The following CRACD variants were observed in gnomAD, a reference collection of about 807,000 sequenced individuals.
CRACD encodes the protein capping protein inhibiting regulator of actin dynamics, also known as capping protein-inhibiting regulator of actin dynamics.
A neutral mutation model predicts 106.8 loss-of-function variants in CRACD; 56 were observed. The ratio of observed to expected loss-of-function variants is 0.52; its 90% CI spans 0.42 to 0.66. The LOEUF is 0.66. Ranked by LOEUF, CRACD falls within the 30% of genes least tolerant of loss-of-function variation. The pLI is 0.00. For missense variants in CRACD, 1,730 were observed against 1,623.2 expected, an observed-to-expected ratio of 1.07 and a Z score of -1.13; for synonymous variants, 754 against 670.8, an observed-to-expected ratio of 1.12 and a Z score of -1.92.
At chr4:56,067,407 T>C (rs1028576354) in intron 1 of CRACD, among the ~76,000 whole-genome samples, 5 of 152,204 alleles carry the variant, frequency 3.3e-5, no homozygotes, top group Non-Finnish European at 7.3e-5. Context: ...TTTGATTCAC[T>C]TCTTTGGATC....
intron 2 of CRACD, among the ~76,000 whole-genome samples, chr4:56,208,225 A>C (rs1011151977): frequency 6.6e-6 from 1 of 152,114 alleles, no homozygotes; most frequent in South Asian, 2.1e-4. Context: ...TCCAATGGAC[A>C]TACAGTTCCT....
chr4:56,071,097 T>TGAAATAAAATA (rs1290350904), intron 1 of CRACD, among the ~76,000 whole-genome samples: 2 of 152,170 alleles, frequency 1.3e-5, no homozygotes, highest in African/African-American at 4.8e-5. Flanking sequence ...TCATGTTATC[T>TGAAATAAAATA]GAAATAAAAT....
rs549855635 is a variant in CRACD, at chr4:56,323,180, T to C, written c.3188-197T>C. On this transcript the variant is annotated intron_variant, in intron 8 of 10. Coordinates refer to ENST00000682029, the MANE Select transcript of CRACD (RefSeq NM_001393381.1). ...CATTTCTAGGGAAGACAAATACCCT[T>C]GTTTTTCTGGTGATCAAACATGTTA... Among the ~76,000 whole-genome samples the C allele has an allele frequency of 8.6e-4, 131 of 152,296 alleles. 1 individual carries two copies. The highest frequency in any genetic ancestry group is 3.0e-3 in the African/African-American group (125 of 41,562).
At chr4:56,325,966 C>T (rs866843179) in intron 10 of CRACD, among the ~76,000 whole-genome samples, 27 of 152,204 alleles carry the variant, frequency 1.8e-4, no homozygotes, top group Non-Finnish European at 2.5e-4. Flanking sequence ...TGCTGGAGTG[C>T]GATGGCGCCA....
intron 2 of CRACD, among the ~76,000 whole-genome samples, chr4:56,182,437 A>C (rs530562546): frequency 4.6e-5 from 7 of 151,784 alleles, no homozygotes; most frequent in Admixed American, 2.0e-4. Context: ...AAGAAACAAA[A>C]AAAAAAAACC....
intron 1 of CRACD, among the ~76,000 whole-genome samples, chr4:56,063,384 A>C (rs986422406): frequency 7.2e-5 from 11 of 152,128 alleles, no homozygotes; most frequent in African/African-American, 2.7e-4. Context: ...GTGGTAAAAT[A>C]TATATAACAA....
intron 4 of CRACD, among the ~76,000 whole-genome samples, chr4:56,301,763 A>G (rs1044815954): frequency 2.0e-5 from 3 of 152,048 alleles, no homozygotes; most frequent in African/African-American, 7.2e-5. Context: ...ATACAGCAAA[A>G]ACCAGCCTCC....
chr4:56,305,663 G>C (rs7688013), intron 4 of CRACD, among the ~76,000 whole-genome samples: 32,175 of 152,166 alleles, frequency 0.21, 4,115 homozygotes, highest in East Asian at 0.64. Flanking sequence ...TTTCATGTGT[G>C]CTCCTGTCCT....
chr4:56,299,025 C>A (rs1235492537), intron 4 of CRACD, among the ~76,000 whole-genome samples: 1 of 152,166 alleles, frequency 6.6e-6, no homozygotes, highest in Non-Finnish European at 1.5e-5. Flanking sequence ...TGAATCAGGG[C>A]TGACTGTTGA....
chr4:56,294,764 A>G (rs1362053458), intron 3 of CRACD, among the ~76,000 whole-genome samples: 1 of 152,018 alleles, frequency 6.6e-6, no homozygotes, highest in Non-Finnish European at 1.5e-5. Flanking sequence ...AAATACAAAA[A>G]TTAACCAGGC....
At chr4:56,254,923 G>A (rs1221925302) in intron 2 of CRACD, among the ~76,000 whole-genome samples, 1 of 151,648 alleles carries the variant, frequency 6.6e-6, no homozygotes, top group African/African-American at 2.4e-5. Flanking sequence ...GGCCAACATG[G>A]TGAAACCCCA....
At chr4:56,279,540 A>G (rs906349494) in intron 3 of CRACD, among the ~76,000 whole-genome samples, 9 of 152,230 alleles carry the variant, frequency 5.9e-5, no homozygotes, top group African/African-American at 2.2e-4. Context: ...GACACATGAA[A>G]AAATGCTCAT....
intron 2 of CRACD, among the ~76,000 whole-genome samples, chr4:56,245,734 C>A (rs1740643800): frequency 6.6e-6 from 1 of 152,168 alleles, no homozygotes; most frequent in South Asian, 2.1e-4. Context: ...GAGCAGAATA[C>A]CTAATGGTAC....
Position 56,176,124 on chromosome 4 carries a change from T to C in CRACD, c.-335-3160T>C, listed in dbSNP as rs148612499. Among the ~76,000 whole-genome samples the C allele has an allele frequency of 3.0e-4, 46 of 152,340 alleles. 2 individuals carry two copies. In the East Asian group the frequency reaches 8.3e-3, roughly 27 times the overall value. ...ATTCATTTCTGGGTTGTCTATTCTGTTCCATTGGTCTATGTGTCCATTTTT... is the reference window on the plus strand; with the variant it reads ...ATTCATTTCTGGGTTGTCTATTCTGCTCCATTGGTCTATGTGTCCATTTTT... On this transcript the variant is annotated intron_variant, in intron 1 of 10. Coordinates refer to ENST00000682029, the MANE Select transcript of CRACD (RefSeq NM_001393381.1).
rs561661453 is a variant in CRACD at position 56,197,868 on chromosome 4, G to A, written c.-189+18438G>A. Among the ~76,000 whole-genome samples, 640 of 152,124 alleles carry A rather than the reference G, an allele frequency of 4.2e-3. 5 individuals carry two copies. The highest frequency in any genetic ancestry group is 0.015 in the African/African-American group (621 of 41,504). ...AATTTTTTGTATTTTTAGTAGAGAC[G>A]GGGTTTCACCGTGTTAGCCAGGATG... On this transcript the variant is annotated intron_variant, in intron 2 of 10. Coordinates refer to ENST00000682029, the MANE Select transcript of CRACD (RefSeq NM_001393381.1).
intron 2 of CRACD, among the ~76,000 whole-genome samples, chr4:56,250,901 C>A (rs1007680730): frequency 1.3e-5 from 2 of 152,158 alleles, no homozygotes; most frequent in Non-Finnish European, 2.9e-5. Context: ...AAGCATATTT[C>A]GAAATAACTG....
At chr4:56,308,909 T>C (rs1744941019) in intron 5 of CRACD, 2 of 1,288,892 alleles carry the variant, frequency 1.6e-6, no homozygotes, top group South Asian at 1.2e-5. Flanking sequence ...GCCTGGGGGA[T>C]TGTTTGTTCA....
intron 2 of CRACD, among the ~76,000 whole-genome samples, chr4:56,203,646 G>C (rs1393108923): frequency 6.6e-6 from 1 of 152,138 alleles, no homozygotes; most frequent in South Asian, 2.1e-4. Flanking sequence ...TCCAGGAAAG[G>C]CTACATAATT....
intron 1 of CRACD, among the ~76,000 whole-genome samples, chr4:56,064,246 A>G (rs1732383162): frequency 6.6e-6 from 1 of 152,152 alleles, no homozygotes. Context: ...GGCATCAGTC[A>G]CTTGCCAGAT....
Sources: allele counts gnomAD v4.1 joint callset (sites outside exome capture counted in the v4.1 genomes callset), GRCh38; gene constraint gnomAD v4.1.1; transcripts MANE v1.5; gene names NCBI Gene and HGNC (gene_info 2026-07-23, HGNC 2026-07-21).